Variants in KLKB1 observed in about 807,000 individuals in gnomAD.
The protein encoded by KLKB1 is plasma kallikrein.
Under a neutral mutation model 73.6 loss-of-function variants are expected in KLKB1, and 58 were observed. The observed-to-expected ratio is 0.79, with a 90% CI of 0.64 to 0.98. The LOEUF is 0.98. Among genes scored for constraint, KLKB1 ranks in the 50% least tolerant of loss-of-function variants. The pLI is 0.00. For missense variants in KLKB1, 737 were observed against 763.8 expected (o/e 0.96, Z 0.41); for synonymous variants, 280 against 258.1 (o/e 1.08, Z -0.81).
upstream of KLKB1, among the ~76,000 whole-genome samples, chr4:186,225,146 T>G (rs920571124): frequency 6.6e-6 from 1 of 152,188 alleles, no homozygotes; most frequent in African/African-American, 2.4e-5. Flanking sequence ...TTACCCAGTC[T>G]CAGGTAGTAT....
intron 6 of KLKB1, among the ~76,000 whole-genome samples, chr4:186,244,372 A>G (rs4253284): frequency 0.1 from 15,870 of 152,224 alleles, 895 homozygotes; most frequent in South Asian, 0.2. Flanking sequence ...GCCAGACACA[A>G]TCAGCAGGGA....
intron 11 of KLKB1, among the ~76,000 whole-genome samples, 157 bp downstream of exon 11, chr4:186,252,342 A>G (rs1713630402): frequency 6.6e-6 from 1 of 152,180 alleles, no homozygotes; most frequent in African/African-American, 2.4e-5. Flanking sequence ...CCAAGCACTG[A>G]CCAACCTGAC....
chr4:186,238,298 C>T lies in KLKB1; in HGVS notation c.531C>T (p.Thr177=), dbSNP rs750540435. ...AGTACAGTCCCGGAGGAACACCTAC[C>T]GCTATAAAGGTGCTGAGTAACGTGG... is the stretch of plus-strand genomic sequence containing the variant. The part of the protein sequence containing the change: ...LLKYSPGGTP[T]AIKVLSNVES... The change falls in exon 6 of 15, where the codon ACC becomes ACT. Residue 177 remains threonine (T), a synonymous_variant. Coordinates refer to ENST00000264690, the MANE Select transcript of KLKB1 (RefSeq NM_000892.5). 42 of 1,613,848 alleles carry T rather than the reference C, an allele frequency of 2.6e-5. No homozygotes were observed. In the South Asian group the frequency reaches 3.5e-4, roughly 14 times the overall value.
chr4:186,258,015 A>C lies in KLKB1; in HGVS notation c.1726-6A>C, dbSNP rs1254924685. 1.2e-6 allele frequency: 2 copies of C among 1,613,550 alleles called. No homozygotes were observed. Among genetic ancestry groups the C allele is most frequent in the Middle Eastern group, 1.7e-4 (1 of 6,056 alleles). On this transcript the variant is annotated splice_polypyrimidine_tract_variant and splice_region_variant and intron_variant, in intron 14 of 14. Coordinates refer to ENST00000264690, the MANE Select transcript of KLKB1 (RefSeq NM_000892.5). ...TCTACTATTTTATTTTTCCACTGTGACTCAGGGAGATTCAGGTGGTCCCTT... is the reference window on the plus strand; with the variant it reads ...TCTACTATTTTATTTTTCCACTGTGCCTCAGGGAGATTCAGGTGGTCCCTT...
chr4:186,253,958 C>G (rs1224732275), intron 11 of KLKB1, among the ~76,000 whole-genome samples: 1 of 152,086 alleles, frequency 6.6e-6, no homozygotes, highest in East Asian at 1.9e-4. Flanking sequence ...GCCTCAGCCT[C>G]CTGAGTAGCT....
chr4:186,248,827 TAAC>T (rs1738522000), intron 6 of KLKB1, among the ~76,000 whole-genome samples: 2 of 152,196 alleles, frequency 1.3e-5, no homozygotes, highest in South Asian at 4.1e-4. Flanking sequence ...TCTACAACCT[TAAC>T]AACACTTGTT....
upstream of KLKB1, among the ~76,000 whole-genome samples, chr4:186,225,595 C>T (rs1737141636): frequency 6.6e-6 from 1 of 151,856 alleles, no homozygotes; most frequent in Non-Finnish European, 1.5e-5. Context: ...CCACGCCTGG[C>T]TAAATTTTTT....
At chr4:186,227,668 A>G (rs896202487) in intron 1 of KLKB1, 81 bp downstream of exon 1, 8 of 152,228 alleles carry the variant, frequency 5.3e-5, no homozygotes, top group African/African-American at 1.9e-4. Context: ...GAGAAAATTA[A>G]TCATTTATAT....
chr4:186,248,832 A>C (rs370698231), intron 6 of KLKB1, among the ~76,000 whole-genome samples: 4 of 152,096 alleles, frequency 2.6e-5, no homozygotes, highest in Admixed American at 6.5e-5. Context: ...AACCTTAACA[A>C]CACTTGTTAT....
upstream of KLKB1, among the ~76,000 whole-genome samples, chr4:186,224,934 G>A (rs889617234): frequency 5.9e-5 from 9 of 152,164 alleles, no homozygotes; most frequent in Admixed American, 5.9e-4. Flanking sequence ...GATCATGGAG[G>A]TGGTTTCCCC....
chr4:186,225,683 C>G (rs910503347), upstream of KLKB1, among the ~76,000 whole-genome samples: 1 of 152,086 alleles, frequency 6.6e-6, no homozygotes, highest in Non-Finnish European at 1.5e-5. Flanking sequence ...ATCCACCCAT[C>G]TTGGCCTCCC....
At chr4:186,226,648 C>T (rs540614993), upstream of KLKB1, among the ~76,000 whole-genome samples, 2 of 152,284 alleles carry the variant, frequency 1.3e-5, no homozygotes, top group South Asian at 2.1e-4. Flanking sequence ...TCACCTGGCA[C>T]CTGAGTTCAT....
At chr4:186,252,272 C>T (rs1738724313) in intron 11 of KLKB1, 87 bp downstream of exon 11, 2 of 1,392,686 alleles carry the variant, frequency 1.4e-6, no homozygotes, top group Admixed American at 3.4e-5. Flanking sequence ...CGCCATGTGA[C>T]TTTATGAATA....
At chr4:186,225,189 C>T (rs1737127056), upstream of KLKB1, among the ~76,000 whole-genome samples, 1 of 152,114 alleles carries the variant, frequency 6.6e-6, no homozygotes, top group Admixed American at 6.5e-5. Flanking sequence ...ACTAATACAT[C>T]TGGGAAATTC....
chr4:186,232,250 G>C lies in KLKB1; in HGVS notation c.182G>C (p.Ser61Thr). Residue 61 changes from serine to threonine, a missense_variant, in exon 3 of 15, where the codon AGT becomes ACT. Coordinates refer to ENST00000264690, the MANE Select transcript of KLKB1 (RefSeq NM_000892.5). ...TTCCACCCAAGGTGTTTGCTATTCA[G>C]TTTTCTTCCAGCAAGTTCAATCAAT... ...CTFHPRCLLF[S>T]FLPASSINDM... The C allele has an allele frequency of 6.2e-7, 1 of 1,614,146 alleles. No individual in the cohort carries two copies. The highest frequency in any genetic ancestry group is 1.1e-5 in the South Asian group (1 of 91,086).
At chr4:186,222,980 C>T (rs898019412), upstream of KLKB1, among the ~76,000 whole-genome samples, 14 of 152,152 alleles carry the variant, frequency 9.2e-5, no homozygotes, top group Non-Finnish European at 1.8e-4. Flanking sequence ...TGTTTTCCCC[C>T]ATTATGTTCT....
rs1256623930 is a variant in KLKB1 at position 186,232,154 on chromosome 4, C to T, written c.86C>T (p.Ala29Val). Residue 29 changes from alanine (A) to valine (V), a missense_variant, in exon 3 of 15, where the codon GCC becomes GTC. Physicochemically the swap from Ala to Val is moderately conservative, Grantham distance 64. Coordinates refer to ENST00000264690, the MANE Select transcript of KLKB1 (RefSeq NM_000892.5). ...TGTCTGACTCAACTCTATGAAAACG[C>T]CTTCTTCAGAGGTGGGGATGTAGCT... is the stretch of plus-strand genomic sequence containing the variant. ...CGCLTQLYENAFFRGGDVASM... is the reference protein window; with the variant it reads ...CGCLTQLYENVFFRGGDVASM... 1.2e-6 allele frequency: 2 copies of T among 1,612,934 alleles called. No homozygotes were observed. The highest frequency in any genetic ancestry group is 1.7e-6 in the Non-Finnish European group (2 of 1,179,408).
chr4:186,248,029 C>G (rs917139769), intron 6 of KLKB1, among the ~76,000 whole-genome samples: 1 of 152,086 alleles, frequency 6.6e-6, no homozygotes, highest in Non-Finnish European at 1.5e-5. Flanking sequence ...GGGCGGATCA[C>G]GGGGTCAGGA....
intron 6 of KLKB1, among the ~76,000 whole-genome samples, chr4:186,246,963 G>A (rs1209801245): frequency 1.3e-5 from 2 of 152,178 alleles, no homozygotes; most frequent in Non-Finnish European, 2.9e-5. Context: ...GAAAGGAATT[G>A]AAATTAAGAG....
Sources: gnomAD v4.1 joint callset for allele counts (sites outside exome capture counted in the v4.1 genomes callset) on GRCh38, gnomAD v4.1.1 for gene constraint, MANE v1.5 for transcripts, NCBI Gene and HGNC (gene_info 2026-07-23, HGNC 2026-07-21) for gene names.